ERBB4: variants seen among roughly 807,000 people sequenced by gnomAD.
ERBB4 encodes erb-b2 receptor tyrosine kinase 4.
In ERBB4, 42 loss-of-function variants were observed where a neutral mutation model predicts 158.0. The ratio of observed to expected loss-of-function variants is 0.27; its 90% CI spans 0.21 to 0.34. ERBB4 has a LOEUF of 0.34. Ranked by LOEUF, ERBB4 falls within the 10% of genes least tolerant of loss-of-function variation. The probability of loss-of-function intolerance (pLI) is 1.00; values close to 1 mark genes in which losing one functional copy is unlikely to be tolerated. For synonymous variants in ERBB4, 583 were observed against 558.7 expected (o/e 1.04, Z -0.61); for missense variants, 1,333 against 1,624.1 (o/e 0.82, Z 3.08).
intron 1 of ERBB4, among the ~76,000 whole-genome samples, chr2:212,249,292 C>T (rs1490293645): frequency 6.6e-6 from 1 of 151,562 alleles, no homozygotes; most frequent in Non-Finnish European, 1.5e-5. Context: ...TTTATTCATA[C>T]ATATATATGT....
chr2:212,436,987 T>G (rs1470895756), intron 1 of ERBB4, among the ~76,000 whole-genome samples: 1 of 151,920 alleles, frequency 6.6e-6, no homozygotes, highest in East Asian at 1.9e-4. Context: ...AGGATTTTAG[T>G]ACAAGCAAGA....
In ERBB4 at chr2:212,523,592, T is replaced by C. The variant is rs1003053040; in HGVS notation, c.82+14857A>G. 1.1e-4 allele frequency among the ~76,000 whole-genome samples: 16 copies of C among 151,910 alleles called. No individual in the cohort carries two copies. The East Asian group carries it at 3.1e-3, about 29-fold the overall frequency. Reference sequence around the variant, plus strand: ...ACAATTAAAAAAAATCCTTCACAAATCTACTAATCTATGAAGAGCAGGTAG... The same window carrying C: ...ACAATTAAAAAAAATCCTTCACAAACCTACTAATCTATGAAGAGCAGGTAG... On this transcript the variant is annotated intron_variant, in intron 1 of 27. Coordinates refer to ENST00000342788, the MANE Select transcript of ERBB4 (RefSeq NM_005235.3).
At chr2:211,744,513 T>C (rs1256133142) in intron 5 of ERBB4, among the ~76,000 whole-genome samples, 1 of 152,222 alleles carries the variant, frequency 6.6e-6, no homozygotes, top group Non-Finnish European at 1.5e-5. Flanking sequence ...TGAAGCTCAC[T>C]GTTGTTGTGA....
intron 16 of ERBB4, among the ~76,000 whole-genome samples, chr2:211,655,917 AT>A (rs1352252426): frequency 6.6e-6 from 1 of 152,190 alleles, no homozygotes; most frequent in Non-Finnish European, 1.5e-5. Context: ...TTAGAATTTA[AT>A]TTTTCTATTC....
chr2:211,526,271 G>C (rs1357584144), intron 20 of ERBB4, among the ~76,000 whole-genome samples: 1 of 152,074 alleles, frequency 6.6e-6, no homozygotes, highest in East Asian at 1.9e-4. Context: ...CATTTTCTTG[G>C]GAGACAGTAA....
intron 1 of ERBB4, among the ~76,000 whole-genome samples, chr2:212,143,527 G>A (rs574973736): frequency 1.2e-3 from 183 of 152,154 alleles, no homozygotes; most frequent in African/African-American, 4.0e-3. Context: ...AATTAGCAAC[G>A]AGGTGATAGA....
At chr2:211,562,552 C>T (rs6435640) in intron 19 of ERBB4, among the ~76,000 whole-genome samples, 152,217 of 152,258 alleles carry the variant, frequency 1, 76,088 homozygotes, top group Middle Eastern at 1. Context: ...CAGCTTACAA[C>T]GGTGTCATGT....
At chr2:212,448,083 T>A (rs999818660) in intron 1 of ERBB4, among the ~76,000 whole-genome samples, 7 of 152,102 alleles carry the variant, frequency 4.6e-5, no homozygotes, top group African/African-American at 1.7e-4. Context: ...TTCAAAATAT[T>A]CCATAATGAG....
chr2:211,695,369 T>C (rs1277715265), intron 12 of ERBB4, among the ~76,000 whole-genome samples: 1 of 152,162 alleles, frequency 6.6e-6, no homozygotes, highest in Non-Finnish European at 1.5e-5. Context: ...AATATAAAAA[T>C]GTGTATCCTT....
At chr2:212,516,919 G>T (rs1328327717) in intron 1 of ERBB4, among the ~76,000 whole-genome samples, 1 of 152,082 alleles carries the variant, frequency 6.6e-6, no homozygotes, top group Non-Finnish European at 1.5e-5. Context: ...TGTCTATGCA[G>T]AATGAACTGA....
At chr2:211,885,547 C>G (rs1206037905) in intron 3 of ERBB4, among the ~76,000 whole-genome samples, 1 of 152,006 alleles carries the variant, frequency 6.6e-6, no homozygotes, top group Non-Finnish European at 1.5e-5. Flanking sequence ...CCTCAATCTC[C>G]TGGGTTCAAG....
intron 1 of ERBB4, among the ~76,000 whole-genome samples, chr2:212,374,900 T>C: frequency 8.3e-6 from 1 of 121,118 alleles, no homozygotes; most frequent in Non-Finnish European, 1.7e-5. Flanking sequence ...ACTGAGAAGA[T>C]TTTTAGAAAT....
At chr2:212,101,451 G>A (rs1264898534) in intron 2 of ERBB4, among the ~76,000 whole-genome samples, 1 of 150,290 alleles carries the variant, frequency 6.7e-6, no homozygotes, top group Non-Finnish European at 1.5e-5. Context: ...AGGTGGCAAG[G>A]GTCAAAGATT....
At chr2:212,217,899 G>A (rs1241580577) in intron 1 of ERBB4, among the ~76,000 whole-genome samples, 1 of 151,152 alleles carries the variant, frequency 6.6e-6, no homozygotes, top group African/African-American at 2.4e-5. Flanking sequence ...GCCCAATAAA[G>A]TATATATTTC....
At chr2:211,445,919 C>T (rs1212437647) in intron 20 of ERBB4, among the ~76,000 whole-genome samples, 1 of 152,004 alleles carries the variant, frequency 6.6e-6, no homozygotes, top group Non-Finnish European at 1.5e-5. Flanking sequence ...GAGAAATGTT[C>T]CAGCAGCAGA....
intron 3 of ERBB4, among the ~76,000 whole-genome samples, chr2:211,847,630 T>C (rs1004130871): frequency 6.7e-6 from 1 of 149,026 alleles, no homozygotes; most frequent in African/African-American, 2.4e-5. Context: ...TAAAACATTA[T>C]GATTTTTTTT....
At chr2:211,934,950 A>C (rs932239274) in intron 3 of ERBB4, among the ~76,000 whole-genome samples, 1 of 149,890 alleles carries the variant, frequency 6.7e-6, no homozygotes, top group Non-Finnish European at 1.5e-5. Flanking sequence ...AACTGCCTTG[A>C]AGAGGTGACA....
chr2:211,980,291 G>T (rs1484419569), intron 2 of ERBB4, among the ~76,000 whole-genome samples: 3 of 152,094 alleles, frequency 2.0e-5, no homozygotes, highest in Non-Finnish European at 4.4e-5. Flanking sequence ...CTAGAAAATT[G>T]CCAAGAACTT....
chr2:212,084,058 G>A (rs1436633192), intron 2 of ERBB4, among the ~76,000 whole-genome samples: 6 of 151,858 alleles, frequency 4.0e-5, no homozygotes, highest in African/African-American at 1.4e-4. Context: ...AATCATGAAG[G>A]TAAATCTTCT....
Sources: gnomAD v4.1 joint callset for allele counts (sites outside exome capture counted in the v4.1 genomes callset) on GRCh38, gnomAD v4.1.1 for gene constraint, MANE v1.5 for transcripts, NCBI Gene and HGNC (gene_info 2026-07-23, HGNC 2026-07-21) for gene names.